The following UNC5B variants were observed in gnomAD, a reference collection of about 807,000 sequenced individuals.
The protein encoded by UNC5B is unc-5 netrin receptor B.
A neutral mutation model predicts 103.7 loss-of-function variants in UNC5B; 56 were observed. The observed-to-expected ratio is 0.54, with a 90% CI of 0.44 to 0.67. The LOEUF is 0.67. Ranked by LOEUF, UNC5B falls within the 30% of genes least tolerant of loss-of-function variation. UNC5B has a pLI of 0.00. For synonymous variants in UNC5B, 577 were observed against 542.0 expected, an observed-to-expected ratio of 1.06 and a Z score of -0.90; for missense variants, 1,194 against 1,284.5, an observed-to-expected ratio of 0.93 and a Z score of 1.08.
intron 1 of UNC5B, among the ~76,000 whole-genome samples, chr10:71,228,548 G>T (rs757410354): frequency 1.3e-5 from 2 of 152,200 alleles, no homozygotes; most frequent in African/African-American, 2.4e-5. Flanking sequence ...TCACAGAAAG[G>T]TGGAAGAAAA....
intron 8 of UNC5B, among the ~76,000 whole-genome samples, chr10:71,290,155 G>C (rs1243148324): frequency 6.6e-6 from 1 of 152,206 alleles, no homozygotes; most frequent in East Asian, 1.9e-4. Flanking sequence ...CATTTGAGTT[G>C]TTCAGGAGCC....
chr10:71,274,737 G>C (rs930395638), intron 1 of UNC5B, among the ~76,000 whole-genome samples: 1 of 152,166 alleles, frequency 6.6e-6, no homozygotes, highest in African/African-American at 2.4e-5. Flanking sequence ...TAAGGCCTGG[G>C]ATGGGTGGGC....
chr10:71,242,553 C>A (rs759799452), intron 1 of UNC5B, among the ~76,000 whole-genome samples: 22 of 152,184 alleles, frequency 1.4e-4, no homozygotes, highest in Non-Finnish European at 3.1e-4. Context: ...CCTGTGGTCA[C>A]CAAGATTCCA....
chr10:71,283,700 C>T (rs889474983), intron 2 of UNC5B, among the ~76,000 whole-genome samples: 1 of 152,160 alleles, frequency 6.6e-6, no homozygotes, highest in Non-Finnish European at 1.5e-5. Flanking sequence ...CTGGCAGGTT[C>T]CCCCCTTTCC....
rs377373639 is a variant in UNC5B, at chr10:71,287,716, C to T, written c.852C>T (p.Phe284=). The change falls in exon 6 of 17, where the codon TTC becomes TTT. Residue 284 remains phenylalanine (F), a synonymous_variant. Transcript: ENST00000335350. The part of the protein sequence containing the change: ...TNPAPLNGGA[F]CEGQAFQKTA... ...CCGCTCCACTCAACGGAGGGGCCTT[C>T]TGCGAGGGCCAGGCATTCCAGAAGA... is the stretch of plus-strand genomic sequence containing the variant. 1.1e-4 allele frequency: 175 copies of T among 1,612,804 alleles called. No homozygotes were observed. Among genetic ancestry groups the T allele is most frequent in the South Asian group, 2.2e-4 (20 of 90,926 alleles).
At chr10:71,245,994 A>G (rs543327984) in intron 1 of UNC5B, among the ~76,000 whole-genome samples, 1 of 152,210 alleles carries the variant, frequency 6.6e-6, no homozygotes, top group Non-Finnish European at 1.5e-5. Flanking sequence ...TATCTGAGCG[A>G]GGGTGTGCGG....
At chr10:71,262,802 C>G (rs1315297969) in intron 1 of UNC5B, among the ~76,000 whole-genome samples, 2 of 152,174 alleles carry the variant, frequency 1.3e-5, no homozygotes, top group African/African-American at 4.8e-5. Flanking sequence ...AGGACCCTCC[C>G]CCAGAACCCT....
At chr10:71,239,977 G>A (rs531595026) in intron 1 of UNC5B, among the ~76,000 whole-genome samples, 123 of 152,312 alleles carry the variant, frequency 8.1e-4, no homozygotes, top group African/African-American at 2.8e-3. Context: ...CCCAGTGTGG[G>A]GTGCCTGGAG....
At chr10:71,288,754 G>A (rs1845161944) in intron 7 of UNC5B, 22 bp downstream of exon 7, 2 of 1,589,958 alleles carry the variant, frequency 1.3e-6, no homozygotes, top group African/African-American at 1.3e-5. Context: ...GGAAGGTGGG[G>A]CCCTGGGGGT....
chr10:71,298,216 T>G, intron 16 of UNC5B, 126 bp downstream of exon 16: 1 of 1,144,168 alleles, frequency 8.7e-7, no homozygotes, highest in Non-Finnish European at 1.2e-6. Context: ...TGCCACCATT[T>G]GTGGCAAATC....
At chr10:71,288,896 C>T in intron 7 of UNC5B, 62 bp from the exon 8 acceptor site, 1 of 1,596,924 alleles carries the variant, frequency 6.3e-7, no homozygotes, top group Non-Finnish European at 8.6e-7. Flanking sequence ...TTCCCATTGC[C>T]TTCTCTGCCA....
intron 1 of UNC5B, among the ~76,000 whole-genome samples, chr10:71,225,526 C>A (rs752292691): frequency 6.6e-6 from 1 of 152,214 alleles, no homozygotes. Context: ...CCGGGTGCCA[C>A]GTCAGAGAAG....
chr10:71,221,989 G>GTCATCATCA (rs149864220), intron 1 of UNC5B, among the ~76,000 whole-genome samples: 6 of 151,494 alleles, frequency 4.0e-5, no homozygotes, highest in Admixed American at 1.3e-4. Context: ...ATTCACTACT[G>GTCATCATCA]TCATCATCAT....
At chr10:71,228,202 T>C (rs1843612608) in intron 1 of UNC5B, among the ~76,000 whole-genome samples, 1 of 152,214 alleles carries the variant, frequency 6.6e-6, no homozygotes, top group Admixed American at 6.5e-5. Context: ...TACAGAGAGA[T>C]GAACTCCAAG....
intron 1 of UNC5B, among the ~76,000 whole-genome samples, chr10:71,251,741 G>T (rs994868122): frequency 7.2e-5 from 11 of 152,200 alleles, no homozygotes; most frequent in Non-Finnish European, 1.6e-4. Context: ...GGGAATGAAT[G>T]AACCAAGATA....
At chr10:71,219,809 A>G (rs61639240) in intron 1 of UNC5B, among the ~76,000 whole-genome samples, 6,365 of 152,282 alleles carry the variant, frequency 0.042, 467 homozygotes, top group African/African-American at 0.15. Context: ...AGGGTGACAG[A>G]TGATATGCAG....
chr10:71,233,216 G>A (rs1026581602), intron 1 of UNC5B, among the ~76,000 whole-genome samples: 1 of 152,152 alleles, frequency 6.6e-6, no homozygotes, highest in African/African-American at 2.4e-5. Context: ...CTTCCAGGAA[G>A]GTAGGACCCC....
chr10:71,235,490 G>C (rs1354145893), intron 1 of UNC5B, among the ~76,000 whole-genome samples: 1 of 152,236 alleles, frequency 6.6e-6, no homozygotes, highest in African/African-American at 2.4e-5. Context: ...CAGAGGGTGG[G>C]GTTCCTTCCG....
At chr10:71,230,831 C>G (rs575356162) in intron 1 of UNC5B, among the ~76,000 whole-genome samples, 1 of 152,374 alleles carries the variant, frequency 6.6e-6, no homozygotes, top group South Asian at 2.1e-4. Flanking sequence ...GGTTCCCCAC[C>G]TTCCCACCAC....
Sources: allele counts gnomAD v4.1 joint callset (sites outside exome capture counted in the v4.1 genomes callset), GRCh38; gene constraint gnomAD v4.1.1; transcripts MANE v1.5; gene names NCBI Gene and HGNC (gene_info 2026-07-23, HGNC 2026-07-21).